The following FAM133A variants were observed in gnomAD, a reference collection of about 807,000 sequenced individuals.
The protein encoded by FAM133A is protein FAM133A.
For missense variants in FAM133A, 159 were observed against 164.4 expected, an observed-to-expected ratio of 0.97 and a Z score of 0.18; for synonymous variants, 65 against 58.6, an observed-to-expected ratio of 1.11 and a Z score of -0.50.
rs918980457 is a variant in FAM133A, at chrX:93,711,901, T to C, written c.*1735T>C. On this transcript the variant is annotated 3_prime_UTR_variant, in exon 4 of 4. Transcript: ENST00000683942. ...TTTTCAGAATTGTTCATTAAAATGC[T>C]TTTTATAAGCTTATATTATTTGTAG... is the stretch of plus-strand genomic sequence containing the variant. The C allele has an allele frequency of 6.5e-5, 8 of 123,548 alleles. No homozygotes were observed. Among genetic ancestry groups the C allele is most frequent in the African/African-American group, 2.6e-4 (8 of 30,887 alleles). 10.2% of individuals were successfully genotyped at this position (123,548 alleles called of 1,213,427 possible).
chrX:93,691,902 G>T (rs1925918091), intron 2 of FAM133A, among the ~76,000 whole-genome samples: 1 of 111,110 alleles, frequency 9.0e-6, no homozygotes, highest in Admixed American at 9.6e-5. Flanking sequence ...AGGGTGGGGA[G>T]TTATGGGAGC....
Position 93,699,334 on chromosome X carries a change from A to G in FAM133A, c.-104+849A>G, listed in dbSNP as rs1048959288. Among the ~76,000 whole-genome samples, 5 of 111,541 alleles carry G rather than the reference A, an allele frequency of 4.5e-5. No individual in the cohort carries two copies. The East Asian group carries it at 1.4e-3, about 32-fold the overall frequency. ...AAAGCAGAAAGGAAAGGTGAATTGC[A>G]TTACCACTATTCATACTGCCACACA... On this transcript the variant is annotated intron_variant, in intron 3 of 3. Coordinates refer to ENST00000683942, the MANE Select transcript of FAM133A (RefSeq NM_001171109.2).
intron 2 of FAM133A, among the ~76,000 whole-genome samples, chrX:93,688,387 T>TTTC (rs1281561682): frequency 9.0e-6 from 1 of 111,193 alleles, no homozygotes; most frequent in African/African-American, 3.3e-5. Flanking sequence ...AATCACTGAT[T>TTTC]TTCTGTTTCC....
At chrX:93,704,204 T>G (rs1356021636) in intron 3 of FAM133A, among the ~76,000 whole-genome samples, 1 of 112,111 alleles carries the variant, frequency 8.9e-6, no homozygotes, top group Non-Finnish European at 1.9e-5. Flanking sequence ...TCCTGTGACT[T>G]AGATTGCACT....
rs1927494359 is a variant in FAM133A, at chrX:93,712,265, A to G, written c.*2099A>G. The G allele has an allele frequency of 8.1e-6, 1 of 123,355 alleles. No individual in the cohort carries two copies. The highest frequency in any genetic ancestry group is 3.2e-5 in the African/African-American group (1 of 30,811). 10.2% of individuals were successfully genotyped at this position (123,355 alleles called of 1,213,427 possible). Reference sequence around the variant, plus strand: ...TAAGAAATAAACTGTTATGTGTTAAACCACTGTGATTTGGGGTCTTTTTAT... The same window carrying G: ...TAAGAAATAAACTGTTATGTGTTAAGCCACTGTGATTTGGGGTCTTTTTAT... On this transcript the variant is annotated 3_prime_UTR_variant, in exon 4 of 4. Transcript: ENST00000683942.
At chrX:93,692,873 G>A (rs943855656) in intron 2 of FAM133A, among the ~76,000 whole-genome samples, 13 of 111,460 alleles carry the variant, frequency 1.2e-4, no homozygotes, top group Non-Finnish European at 2.3e-4. Context: ...CATAAATATT[G>A]TTTGAATGAA....
intron 3 of FAM133A, among the ~76,000 whole-genome samples, chrX:93,706,750 A>T (rs1437661634): frequency 1.8e-5 from 2 of 111,468 alleles, no homozygotes; most frequent in Admixed American, 9.6e-5. Context: ...TTTGTCACTA[A>T]TTTCAATAGA....
chrX:93,685,555 G>A (rs1925455850), intron 2 of FAM133A, among the ~76,000 whole-genome samples: 1 of 111,459 alleles, frequency 9.0e-6, no homozygotes, highest in African/African-American at 3.3e-5. Flanking sequence ...ATGCTTACTG[G>A]ACTGAAATTT....
chrX:93,709,430 G>A lies in FAM133A; in HGVS notation c.11G>A (p.Arg4Gln), dbSNP rs1028911179. The A allele has an allele frequency of 1.3e-5, 15 of 1,154,265 alleles. No individual in the cohort carries two copies. The highest frequency in any genetic ancestry group is 1.6e-5 in the Non-Finnish European group (14 of 872,552). ...GAAACATCAGGCACCATGGGGAAGC[G>A]GGATAATCGGGTAGCCTATATGAAT... The part of the protein sequence containing the change: MGK[R>Q]DNRVAYMNPI... Residue 4 changes from arginine to glutamine, a missense_variant, in exon 4 of 4, where the codon CGG (arginine) becomes CAG (glutamine). Transcript: ENST00000683942.
At chrX:93,688,148 CTTT>C (rs1339136555) in intron 2 of FAM133A, among the ~76,000 whole-genome samples, 2 of 98,650 alleles carry the variant, frequency 2.0e-5, no homozygotes. Context: ...ATTTTTCTTT[CTTT>C]TTTTTTTTTT....
At chrX:93,685,659 T>C (rs1245429678) in intron 2 of FAM133A, among the ~76,000 whole-genome samples, 1 of 111,767 alleles carries the variant, frequency 8.9e-6, no homozygotes, top group African/African-American at 3.3e-5. Context: ...CGATAGAATA[T>C]TCTAATAATT....
At chrX:93,693,053 A>G (rs1925992484) in intron 2 of FAM133A, among the ~76,000 whole-genome samples, 1 of 111,510 alleles carries the variant, frequency 9.0e-6, no homozygotes, top group Admixed American at 9.6e-5. Flanking sequence ...ACTGTAAGGT[A>G]TTTTCTAGGG....
Position 93,709,955 on chromosome X carries a change from A to G in FAM133A, c.536A>G (p.Lys179Arg). The G allele has an allele frequency of 8.4e-7, 1 of 1,187,970 alleles. No individual in the cohort carries two copies. Among genetic ancestry groups the G allele is most frequent in the Non-Finnish European group, 1.1e-6 (1 of 887,716 alleles). Residue 179 changes from lysine to arginine, a missense_variant, in exon 4 of 4, where the codon AAA becomes AGA. By Grantham distance (26) the Lys-to-Arg change is conservative. Coordinates refer to ENST00000683942, the MANE Select transcript of FAM133A (RefSeq NM_001171109.2). ...KEKDVRSLSKKRKKSYPDDKP... is the reference protein window; with the variant it reads ...KEKDVRSLSKRRKKSYPDDKP... The stretch of plus-strand genomic sequence containing the variant: ...AAGGATGTAAGAAGCCTCAGCAAAA[A>G]AAGAAAGAAAAGTTACCCTGATGAT...
chrX:93,691,891 A>G (rs1925916654), intron 2 of FAM133A, among the ~76,000 whole-genome samples: 1 of 111,048 alleles, frequency 9.0e-6, no homozygotes, highest in African/African-American at 3.3e-5. Flanking sequence ...TAAATGAGCT[A>G]AGGGTGGGGA....
At chrX:93,674,797 T>G (rs1320487866) in intron 2 of FAM133A, 45 bp downstream of exon 2, 1 of 111,619 alleles carries the variant, frequency 9.0e-6, no homozygotes, top group East Asian at 2.8e-4. Flanking sequence ...CAAAAATTAC[T>G]CATCTCCATC....
In FAM133A at chrX:93,711,257, A is replaced by G. The variant is rs1025914476; in HGVS notation, c.*1091A>G. 3 of 122,681 alleles carry G rather than the reference A, an allele frequency of 2.4e-5. No homozygotes were observed. Among genetic ancestry groups the G allele is most frequent in the Non-Finnish European group, 5.6e-5 (3 of 53,099 alleles). The allele number at this position is 122,681 out of a possible 1,213,427, so 10.1% of individuals were successfully genotyped here. A position where few individuals can be genotyped will look rare whatever the true frequency, so the allele number is the denominator to read the frequency against. The stretch of plus-strand genomic sequence containing the variant: ...TACGCAAGTTGAGTGCCAGACCTCT[A>G]GTACGCCGTATGTTACATGAAACTA... On this transcript the variant is annotated 3_prime_UTR_variant, in exon 4 of 4. Coordinates refer to ENST00000683942, the MANE Select transcript of FAM133A (RefSeq NM_001171109.2).
chrX:93,675,814 A>G (rs192248511), intron 2 of FAM133A, among the ~76,000 whole-genome samples: 2 of 111,437 alleles, frequency 1.8e-5, no homozygotes, highest in Admixed American at 9.6e-5. Context: ...GAAATTTACT[A>G]AGTGCATATC....
chrX:93,702,730 C>A (rs773764864), intron 3 of FAM133A, among the ~76,000 whole-genome samples: 135 of 106,071 alleles, frequency 1.3e-3, no homozygotes, highest in African/African-American at 4.4e-3. Context: ...AGGTTAGTAA[C>A]CTTAGCAATA....
intron 2 of FAM133A, among the ~76,000 whole-genome samples, chrX:93,679,915 ATTTTTTTTTTTTTTTTTTTTTTTTTTTT>A (rs376335726): frequency 0.02 from 1,230 of 62,478 alleles, 78 homozygotes; most frequent in African/African-American, 0.097. Context: ...CTCCTGGCAA[ATTTTTTTTTTTTTTTTTTTTTTTTTTTT>A]TTTTTTTTTT....
Sources: allele counts gnomAD v4.1 joint callset (sites outside exome capture counted in the v4.1 genomes callset), GRCh38; gene constraint gnomAD v4.1.1; transcripts MANE v1.5; gene names NCBI Gene and HGNC (gene_info 2026-07-23, HGNC 2026-07-21).